Variants in CACNA2D3 observed in about 807,000 individuals in gnomAD.
CACNA2D3 encodes the protein voltage-dependent calcium channel subunit alpha-2/delta-3.
A neutral mutation model predicts 160.6 loss-of-function variants in CACNA2D3; 60 were observed. The ratio of observed to expected loss-of-function variants is 0.37; its 90% confidence interval spans 0.30 to 0.46. The LOEUF is 0.46. Ranked by LOEUF, CACNA2D3 falls within the 20% of genes least tolerant of loss-of-function variation. CACNA2D3 has a pLI of 1.00. For synonymous variants in CACNA2D3, 558 were observed against 492.9 expected (o/e 1.13, Z -1.75); for missense variants, 1,205 against 1,365.0 (o/e 0.88, Z 1.85).
chr3:54,629,405 CTT>C (rs1699186282), intron 10 of CACNA2D3, among the ~76,000 whole-genome samples: 2 of 152,154 alleles, frequency 1.3e-5, no homozygotes, highest in African/African-American at 4.8e-5. Context: ...TCCAGACTCT[CTT>C]TTACCAATAA....
intron 35 of CACNA2D3, among the ~76,000 whole-genome samples, chr3:55,037,633 C>G (rs1703853638): frequency 6.6e-6 from 1 of 152,178 alleles, no homozygotes; most frequent in Admixed American, 6.5e-5. Flanking sequence ...ATCACCAACT[C>G]TGTGATTTTT....
chr3:54,808,540 C>T (rs1180847033), intron 13 of CACNA2D3, among the ~76,000 whole-genome samples: 2 of 152,116 alleles, frequency 1.3e-5, no homozygotes, highest in African/African-American at 4.8e-5. Flanking sequence ...TACCCTGAGC[C>T]AGTTGCTGTG....
At chr3:54,382,107 G>A (rs1166144873) in intron 3 of CACNA2D3, among the ~76,000 whole-genome samples, 1 of 152,104 alleles carries the variant, frequency 6.6e-6, no homozygotes, top group Non-Finnish European at 1.5e-5. Flanking sequence ...TGTTTCCAGT[G>A]TTCACGTTTA....
rs200474589 is a variant in CACNA2D3 at position 54,918,556 on chromosome 3, G to C, written c.2449+18688G>C. ...CCCATGGTACTGGGCTGTGATTGCCGCATAGGTGCAGCCATAGATGGCAGC... is the reference window on the plus strand; with the variant it reads ...CCCATGGTACTGGGCTGTGATTGCCCCATAGGTGCAGCCATAGATGGCAGC... On this transcript the variant is annotated intron_variant, in intron 27 of 37. Transcript: ENST00000474759. 3.7e-6 allele frequency: 6 copies of C among 1,613,932 alleles called. No individual in the cohort carries two copies. In the African/African-American group the frequency reaches 6.7e-5, roughly 18 times the overall value.
chr3:54,582,152 G>A (rs920002610), intron 9 of CACNA2D3, among the ~76,000 whole-genome samples: 32 of 152,292 alleles, frequency 2.1e-4, no homozygotes, highest in Admixed American at 1.4e-3. Flanking sequence ...TGATGCTTAC[G>A]TTGACACTCT....
chr3:54,851,338 T>A lies in CACNA2D3; in HGVS notation c.1626+4871T>A, dbSNP rs143405378. 1.4e-3 allele frequency among the ~76,000 whole-genome samples: 217 copies of A among 152,286 alleles called. 1 individual carries two copies. The highest frequency in any genetic ancestry group is 4.8e-3 in the African/African-American group (201 of 41,560). The stretch of plus-strand genomic sequence containing the variant: ...CCTGGAGTTGAAGTGAGGACAACTG[T>A]GAGTACTGGGCTGAGCAGCTGGGCT... On this transcript the variant is annotated intron_variant, in intron 17 of 37. Transcript: ENST00000474759.
chr3:54,918,396 T>A, intron 27 of CACNA2D3: 3 of 890,698 alleles, frequency 3.4e-6, no homozygotes, highest in Admixed American at 2.4e-5. Context: ...AGGAAACACA[T>A]CAGCCCTACT....
chr3:54,751,451 G>T (rs903830167), intron 11 of CACNA2D3, among the ~76,000 whole-genome samples: 1 of 145,070 alleles, frequency 6.9e-6, no homozygotes. Flanking sequence ...CACTGTAAGC[G>T]TTTTTTGTGT....
chr3:54,980,048 T>C lies in CACNA2D3; in HGVS notation c.2557-4560T>C, dbSNP rs1702472903. 2.0e-5 allele frequency among the ~76,000 whole-genome samples: 3 copies of C among 152,324 alleles called. No individual in the cohort carries two copies. The South Asian group carries it at 6.2e-4, about 32-fold the overall frequency. ...TACCAATAGCACAACTATATAAATA[T>C]ATCCCAAAGAAAGCCAAACACTGTT... On this transcript the variant is annotated intron_variant, in intron 29 of 37. Transcript: ENST00000474759.
chr3:54,606,533 G>A (rs1439219903), intron 9 of CACNA2D3, among the ~76,000 whole-genome samples: 1 of 152,160 alleles, frequency 6.6e-6, no homozygotes, highest in Non-Finnish European at 1.5e-5. Context: ...GTGGGTTCCA[G>A]GAAGAAGAGA....
intron 11 of CACNA2D3, among the ~76,000 whole-genome samples, chr3:54,702,745 A>G (rs1030027666): frequency 2.6e-5 from 4 of 152,218 alleles, no homozygotes; most frequent in African/African-American, 7.2e-5. Flanking sequence ...AAGTATACCC[A>G]AAAGAATATA....
chr3:54,969,560 C>A (rs545089623), intron 28 of CACNA2D3, among the ~76,000 whole-genome samples: 4 of 152,202 alleles, frequency 2.6e-5, no homozygotes, highest in Admixed American at 2.6e-4. Context: ...GTGCCTGCCC[C>A]ACCCCGCTCA....
At chr3:54,310,514 T>G (rs1438957993) in intron 2 of CACNA2D3, among the ~76,000 whole-genome samples, 1 of 152,100 alleles carries the variant, frequency 6.6e-6, no homozygotes, top group Non-Finnish European at 1.5e-5. Context: ...CACACACAAA[T>G]ATGGACTTCT....
intron 27 of CACNA2D3, among the ~76,000 whole-genome samples, chr3:54,921,868 T>C (rs910429542): frequency 6.6e-6 from 1 of 152,242 alleles, no homozygotes; most frequent in East Asian, 1.9e-4. Flanking sequence ...GTTATGTCGG[T>C]TAGCCTGCCC....
chr3:54,329,998 ATAGT>A lies in CACNA2D3; in HGVS notation c.321+9444_321+9447del, dbSNP rs201745450. On this transcript the variant is annotated intron_variant, in intron 3 of 37. Coordinates refer to ENST00000474759, the MANE Select transcript of CACNA2D3 (RefSeq NM_018398.3). The stretch of plus-strand genomic sequence containing the variant: ...AGGTTATGAGGGGGAAAATGAAAAG[ATAGT>A]TAGGAATTCATTGGCATTTCATTTA... Among the ~76,000 whole-genome samples, 1,470 of 152,266 alleles carry A rather than the reference ATAGT, an allele frequency of 9.7e-3. 9 individuals are homozygous for A. The highest frequency in any genetic ancestry group is 0.017 in the Non-Finnish European group (1,123 of 68,000).
chr3:54,721,162 T>G (rs553100292), intron 11 of CACNA2D3, among the ~76,000 whole-genome samples: 23 of 152,266 alleles, frequency 1.5e-4, no homozygotes, highest in African/African-American at 5.5e-4. Flanking sequence ...TTTTCCCACT[T>G]ATATAATGTA....
intron 5 of CACNA2D3, among the ~76,000 whole-genome samples, chr3:54,519,174 G>T (rs1189258281): frequency 4.6e-5 from 2 of 43,050 alleles, no homozygotes; most frequent in East Asian, 8.1e-4. Context: ...GCCATGTGTT[G>T]TGAAGGCCAG....
chr3:54,293,902 CAAAT>C (rs1315323830), intron 2 of CACNA2D3, among the ~76,000 whole-genome samples: 1 of 152,216 alleles, frequency 6.6e-6, no homozygotes, highest in East Asian at 1.9e-4. Context: ...TTTATCAAAA[CAAAT>C]AAAATTGCAC....
intron 2 of CACNA2D3, among the ~76,000 whole-genome samples, chr3:54,252,240 C>T (rs535556505): frequency 1.3e-5 from 2 of 151,592 alleles, no homozygotes; most frequent in Admixed American, 1.3e-4. Flanking sequence ...GAAGTCTAGT[C>T]CTAGATTTAG....
Sources: gnomAD v4.1 joint callset for allele counts (sites outside exome capture counted in the v4.1 genomes callset) on GRCh38, gnomAD v4.1.1 for gene constraint, MANE v1.5 for transcripts, NCBI Gene and HGNC (gene_info 2026-07-23, HGNC 2026-07-21) for gene names.